The following MMP11 variants were observed in gnomAD, a reference collection of about 807,000 sequenced individuals.
MMP11 encodes matrix metallopeptidase 11.
Under a neutral mutation model 49.5 loss-of-function variants are expected in MMP11, and 26 were observed. The ratio of observed to expected loss-of-function variants is 0.52; its 90% CI spans 0.38 to 0.73. The LOEUF (loss-of-function observed/expected upper bound fraction) is 0.73, where lower values mean the gene tolerates loss of function less well. MMP11 is among the 30% of genes least tolerant of loss of function. MMP11 has a pLI of 0.00. For synonymous variants in MMP11, 265 were observed against 282.3 expected, an observed-to-expected ratio of 0.94 and a Z score of 0.62; for missense variants, 624 against 671.2, an observed-to-expected ratio of 0.93 and a Z score of 0.78.
intron 7 of MMP11, 106 bp downstream of exon 7, chr22:23,782,589 C>A: frequency 7.3e-7 from 1 of 1,365,442 alleles, no homozygotes; most frequent in Non-Finnish European, 9.8e-7. Flanking sequence ...TCTGGCTCTT[C>A]ATCACAGGTC....
At chr22:23,778,556 G>A (rs1927496055) in intron 1 of MMP11, among the ~76,000 whole-genome samples, 1 of 152,206 alleles carries the variant, frequency 6.6e-6, no homozygotes, top group Non-Finnish European at 1.5e-5. Flanking sequence ...CGGGTGCTGG[G>A]CCTGTGCTAG....
Position 23,779,398 on chromosome 22 carries a change from A to G in MMP11, c.320A>G (p.Lys107Arg). Reference sequence around the variant, plus strand: ...GTGCTTTCTGGCGGGCGCTGGGAGAAGACGGACCTCACCTACAGGTAGGGG... The same window carrying G: ...GTGCTTTCTGGCGGGCGCTGGGAGAGGACGGACCTCACCTACAGGTAGGGG... ...RFVLSGGRWEKTDLTYRILRF... is the reference protein window; with the variant it reads ...RFVLSGGRWERTDLTYRILRF... Residue 107 changes from lysine (K) to arginine (R), a missense_variant, in exon 2 of 8, where the codon AAG becomes AGG. Physicochemically the swap from Lys to Arg is conservative, Grantham distance 26. Coordinates refer to ENST00000215743, the MANE Select transcript of MMP11 (RefSeq NM_005940.5). The G allele has an allele frequency of 6.2e-7, 1 of 1,612,102 alleles. No individual in the cohort carries two copies. Among genetic ancestry groups the G allele is most frequent in the Non-Finnish European group, 8.5e-7 (1 of 1,179,516 alleles).
chr22:23,782,835 C>T (rs2145944378), intron 7 of MMP11, among the ~76,000 whole-genome samples: 1 of 152,256 alleles, frequency 6.6e-6, no homozygotes, highest in East Asian at 1.9e-4. Flanking sequence ...AACCCAGTTT[C>T]CAGAGGAGCA....
rs369986636 is a variant in MMP11, at chr22:23,780,678, C to T, written c.579C>T (p.Phe193=). 8.3e-6 allele frequency: 13 copies of T among 1,575,736 alleles called. No individual in the cohort carries two copies. Among genetic ancestry groups the T allele is most frequent in the Non-Finnish European group, 8.6e-6 (10 of 1,163,282 alleles). The stretch of plus-strand genomic sequence containing the variant: ...CTCACCGAGAAGGGGATGTCCACTT[C>T]GACTATGATGAGACCTGGACTATCG... The part of the protein sequence containing the change: ...PKTHREGDVH[F]DYDETWTIGD... Residue 193 remains phenylalanine (F), a synonymous_variant, in exon 4 of 8, where the codon TTC becomes TTT. Coordinates refer to ENST00000215743, the MANE Select transcript of MMP11 (RefSeq NM_005940.5). The surrounding 1 kb of genome is among the most constrained non-coding windows in gnomAD (Gnocchi z 4.6).
chr22:23,772,990 C>T lies in MMP11; in HGVS notation c.108+12C>T. On this transcript the variant is annotated intron_variant, in intron 1 of 7. Coordinates refer to ENST00000215743, the MANE Select transcript of MMP11 (RefSeq NM_005940.5). ...GGGCTCTGCCGCCGGTGAGTGCCCG[C>T]CACTCGCCGGCCGCTCCTCGCTGAG... 1 of 1,184,520 alleles carries T rather than the reference C, an allele frequency of 8.4e-7. No homozygotes were observed. Among genetic ancestry groups the T allele is most frequent in the African/African-American group, 1.6e-5 (1 of 62,032 alleles). The allele number at this position is 1,184,520 out of a possible 1,614,324, so 73.4% of individuals were successfully genotyped here.
rs1359752063 is a variant in MMP11, at chr22:23,783,709, G to A, written c.*165G>A. Reference sequence around the variant, plus strand: ...CAACCACCATGACAACTGCCGGGAGGGCCACGCAGGTCGTGGTCACCTGCC... The same window carrying A: ...CAACCACCATGACAACTGCCGGGAGAGCCACGCAGGTCGTGGTCACCTGCC... On this transcript the variant is annotated 3_prime_UTR_variant, in exon 8 of 8. Coordinates refer to ENST00000215743, the MANE Select transcript of MMP11 (RefSeq NM_005940.5). 3.3e-6 allele frequency: 3 copies of A among 918,588 alleles called. No individual in the cohort carries two copies. Among genetic ancestry groups the A allele is most frequent in the Non-Finnish European group, 4.9e-6 (3 of 608,036 alleles). The allele number at this position is 918,588 out of a possible 1,614,324, so 56.9% of individuals were successfully genotyped here. A position where few individuals can be genotyped will look rare whatever the true frequency, so the allele number is the denominator to read the frequency against.
intron 2 of MMP11, 191 bp downstream of exon 2, chr22:23,779,607 T>C (rs919293911): frequency 5.1e-6 from 3 of 593,236 alleles, no homozygotes; most frequent in Non-Finnish European, 6.0e-6. Context: ...CACATACACA[T>C]ATGGAGACCC....
chr22:23,782,177 C>T, intron 6 of MMP11, 49 bp from the exon 7 acceptor site: 2 of 1,584,290 alleles, frequency 1.3e-6, no homozygotes, highest in African/African-American at 1.3e-5. Context: ...AGTGGCGGGG[C>T]ATGGCAGTGG....
chr22:23,783,417 C>T lies in MMP11; in HGVS notation c.1340C>T (p.Ala447Val). Residue 447 changes from alanine to valine, a missense_variant, in exon 8 of 8, where the codon GCC (alanine) becomes GTC (valine). Coordinates refer to ENST00000215743, the MANE Select transcript of MMP11 (RefSeq NM_005940.5). ...GACCACCTTCTCTTCTCAGGCTATG[C>T]CTACTTCCTGCGCGGCCGCCTCTAC... is the stretch of plus-strand genomic sequence containing the variant. ...DAAFQDADGY[A>V]YFLRGRLYWK... The T allele has an allele frequency of 1.2e-6, 2 of 1,614,192 alleles. No individual in the cohort carries two copies. Among genetic ancestry groups the T allele is most frequent in the Non-Finnish European group, 1.7e-6 (2 of 1,180,024 alleles).
chr22:23,773,070 C>A, intron 1 of MMP11, 92 bp downstream of exon 1: 1 of 1,076,544 alleles, frequency 9.3e-7, no homozygotes, highest in South Asian at 4.4e-5. Context: ...GAAGGGGGCG[C>A]CCCGGGTGGC....
chr22:23,783,393 AC>A lies in MMP11; in HGVS notation c.1334-16del. On this transcript the variant is annotated splice_polypyrimidine_tract_variant and intron_variant, in intron 7 of 7. Coordinates refer to ENST00000215743, the MANE Select transcript of MMP11 (RefSeq NM_005940.5). ...CCCAGTGTCCGCTCGCCCAGGCTTG[AC>A]CACCTTCTCTTCTCAGGCTATGCCT... The A allele has an allele frequency of 6.2e-7, 1 of 1,613,394 alleles. No individual in the cohort carries two copies. Among genetic ancestry groups the A allele is most frequent in the South Asian group, 1.1e-5 (1 of 91,070 alleles).
intron 1 of MMP11, among the ~76,000 whole-genome samples, chr22:23,778,810 G>A (rs149833269): frequency 1.2e-3 from 179 of 152,340 alleles, no homozygotes; most frequent in African/African-American, 4.2e-3. Context: ...TCTGTGGGGA[G>A]CAGGAGGAGG....
At position 23,774,679 on chromosome 22, in the gene MMP11, C is replaced by T. The variant is rs572516262; in HGVS notation, c.108+1701C>T. Among the ~76,000 whole-genome samples, 16 of 152,250 alleles carry T rather than the reference C, an allele frequency of 1.1e-4. No individual in the cohort carries two copies. The East Asian group carries it at 2.5e-3, about 24-fold the overall frequency. On this transcript the variant is annotated intron_variant, in intron 1 of 7. Coordinates refer to ENST00000215743, the MANE Select transcript of MMP11 (RefSeq NM_005940.5). The stretch of plus-strand genomic sequence containing the variant: ...CTCTGAGCCTGCATGGTGATGCTCC[C>T]GTCTTCCTCCATAGCCTAACAAGTG...
At chr22:23,781,841 T>C (rs1216592037) in intron 6 of MMP11, 2 of 591,084 alleles carry the variant, frequency 3.4e-6, no homozygotes, top group Non-Finnish European at 6.6e-6. Context: ...GCATTGCAGA[T>C]GCCAGGGACT....
chr22:23,783,529 C>T lies in MMP11; in HGVS notation c.1452C>T (p.Ala484=). The T allele has an allele frequency of 6.2e-7, 1 of 1,614,224 alleles. No homozygotes were observed. The change falls in exon 8 of 8, where the codon GCC becomes GCT. Residue 484 remains alanine (A), a synonymous_variant. Transcript: ENST00000215743. ...GPDFFGCAEP[A]NTFL ...ACTTCTTTGGCTGTGCCGAGCCTGCCAACACTTTCCTCTGACCATGGCTTG... is the reference window on the plus strand; with the variant it reads ...ACTTCTTTGGCTGTGCCGAGCCTGCTAACACTTTCCTCTGACCATGGCTTG...
chr22:23,781,199 G>T lies in MMP11; in HGVS notation c.865G>T (p.Ala289Ser), dbSNP rs376641686. 1 of 1,611,294 alleles carries T rather than the reference G, an allele frequency of 6.2e-7. No individual in the cohort carries two copies. Among genetic ancestry groups the T allele is most frequent in the Admixed American group, 1.7e-5 (1 of 60,026 alleles). ...TCCCTCTCTCCCACCCCAGCCAGAC[G>T]CCCCGCCAGATGCCTGTGAGGCCTC... ...TNEIAPLEPD[A>S]PPDACEASFD... The change falls in exon 6 of 8, where the codon GCC (alanine) becomes TCC (serine). Residue 289 changes from alanine to serine, a missense_variant. Coordinates refer to ENST00000215743, the MANE Select transcript of MMP11 (RefSeq NM_005940.5).
chr22:23,779,118 C>G, intron 1 of MMP11, 69 bp from the exon 2 acceptor site: 1 of 1,277,808 alleles, frequency 7.8e-7, no homozygotes, highest in Non-Finnish European at 1.1e-6. Context: ...TGCTGACAGG[C>G]CACATCTCTA....
rs556178193 is a variant in MMP11 at position 23,780,112 on chromosome 22, C to T, written c.339-247C>T. ...ACTGTCAGGTCTAGGATGGGGGTCT[C>T]GGGACCCCTGGTCCTGGTTCTTTCC... is the stretch of plus-strand genomic sequence containing the variant. On this transcript the variant is annotated intron_variant, in intron 2 of 7. Transcript: ENST00000215743. This position sits in a 1 kb window ranked among gnomAD's most constrained non-coding sequence, Gnocchi z 4.6. 12 of 566,300 alleles carry T rather than the reference C, an allele frequency of 2.1e-5. No homozygotes were observed. Among genetic ancestry groups the T allele is most frequent in the South Asian group, 2.0e-4 (9 of 45,500 alleles). 35.1% of individuals were successfully genotyped at this position (566,300 alleles called of 1,614,324 possible).
rs542758836 is a variant in MMP11, at chr22:23,780,790, A to T, written c.617-69A>T. On this transcript the variant is annotated intron_variant, in intron 4 of 7. Transcript: ENST00000215743. This position sits in a 1 kb window ranked among gnomAD's most constrained non-coding sequence, Gnocchi z 4.6. ...GAATGGGGACTCGCCAAGGTCACTG[A>T]GCTGGGGTCTGGAGCTGGATGTCCT... 1.4e-4 allele frequency: 214 copies of T among 1,571,170 alleles called. No individual in the cohort carries two copies. The highest frequency in any genetic ancestry group is 1.8e-4 in the Non-Finnish European group (212 of 1,158,912).
Sources: gnomAD v4.1 joint callset for allele counts (sites outside exome capture counted in the v4.1 genomes callset) on GRCh38, gnomAD v4.1.1 for gene constraint, Gnocchi (gnomAD v3.1) non-coding constraint, MANE v1.5 for transcripts, NCBI Gene and HGNC (gene_info 2026-07-23, HGNC 2026-07-21) for gene names.